FRMD4A: variants seen among roughly 807,000 people sequenced by gnomAD.
FRMD4A encodes FERM domain containing 4A.
In FRMD4A, 29 loss-of-function variants were observed where a neutral mutation model predicts 129.1. That is an observed-to-expected ratio of 0.22 (90% CI 0.17 to 0.31). The LOEUF is 0.31. Among genes scored for constraint, FRMD4A ranks in the 10% least tolerant of loss-of-function variants. The probability of loss-of-function intolerance (pLI) is 1.00; values close to 1 mark genes in which losing one functional copy is unlikely to be tolerated. For synonymous variants in FRMD4A, 634 were observed against 571.6 expected, an observed-to-expected ratio of 1.11 and a Z score of -1.56; for missense variants, 1,272 against 1,375.8, an observed-to-expected ratio of 0.92 and a Z score of 1.19.
At chr10:13,913,979 A>G (rs563202651) in intron 2 of FRMD4A, among the ~76,000 whole-genome samples, 14 of 152,294 alleles carry the variant, frequency 9.2e-5, no homozygotes, top group African/African-American at 3.4e-4. Flanking sequence ...TGGGAGGTGA[A>G]CTTGGCTAGC....
At chr10:14,309,527 C>G (rs1475126059) in intron 2 of FRMD4A, among the ~76,000 whole-genome samples, 2 of 152,142 alleles carry the variant, frequency 1.3e-5, no homozygotes, top group African/African-American at 4.8e-5. Flanking sequence ...AGAATTAGAA[C>G]TTCAGAGGTT....
intron 2 of FRMD4A, chr10:14,007,996 T>C: frequency 1.6e-6 from 2 of 1,283,374 alleles, no homozygotes; most frequent in Admixed American, 4.6e-5. Flanking sequence ...CGGTATACAA[T>C]GAAAACAAAC....
chr10:14,158,431 C>A (rs1840707495), intron 2 of FRMD4A, among the ~76,000 whole-genome samples: 1 of 152,030 alleles, frequency 6.6e-6, no homozygotes, highest in African/African-American at 2.4e-5. Flanking sequence ...GGCAACACAG[C>A]AAGACCCCAC....
intron 2 of FRMD4A, among the ~76,000 whole-genome samples, chr10:13,948,055 A>C (rs1426626457): frequency 1.3e-5 from 1 of 74,826 alleles, no homozygotes; most frequent in African/African-American, 3.9e-5. Flanking sequence ...AAGTAAATTG[A>C]AAAAAAAAAA....
intron 2 of FRMD4A, among the ~76,000 whole-genome samples, chr10:14,047,343 C>G (rs1191799535): frequency 6.6e-6 from 1 of 152,154 alleles, no homozygotes; most frequent in Non-Finnish European, 1.5e-5. Context: ...GTGAATCTCC[C>G]AAACAGTAAC....
intron 9 of FRMD4A, among the ~76,000 whole-genome samples, chr10:13,747,531 A>AAAC (rs1409586654): frequency 6.6e-6 from 1 of 151,376 alleles, no homozygotes; most frequent in Non-Finnish European, 1.5e-5. Flanking sequence ...CCGTCTCAAA[A>AAAC]AAAAAAATTA....
chr10:13,935,112 C>A lies in FRMD4A; in HGVS notation c.46-76200G>T, dbSNP rs76962258. ...ATTTAGGCCATAAAACCATGAAAAT[C>A]CAAGATTAGAGCAGCAGTCCTCATT... On this transcript the variant is annotated intron_variant, in intron 2 of 24. Coordinates refer to ENST00000357447, the MANE Select transcript of FRMD4A (RefSeq NM_018027.5). 2.2e-4 allele frequency among the ~76,000 whole-genome samples: 34 copies of A among 152,116 alleles called. No individual in the cohort carries two copies. The East Asian group carries it at 6.4e-3, about 29-fold the overall frequency.
chr10:14,171,800 A>G (rs1031513601), intron 2 of FRMD4A, among the ~76,000 whole-genome samples: 2 of 152,178 alleles, frequency 1.3e-5, no homozygotes, highest in Non-Finnish European at 2.9e-5. Context: ...ATTTAGCTCT[A>G]GGAGGCTTCC....
At chr10:13,848,094 C>T (rs1173972886) in intron 3 of FRMD4A, among the ~76,000 whole-genome samples, 1 of 152,170 alleles carries the variant, frequency 6.6e-6, no homozygotes, top group Non-Finnish European at 1.5e-5. Flanking sequence ...TTAATCTCCC[C>T]AATCCCTTCT....
Position 14,013,293 on chromosome 10 carries a change from C to T in FRMD4A, c.46-154381G>A, listed in dbSNP as rs117701223. Among the ~76,000 whole-genome samples the T allele has an allele frequency of 5.5e-3, 839 of 152,252 alleles. 3 individuals carry two copies. The highest frequency in any genetic ancestry group is 8.3e-3 in the Non-Finnish European group (566 of 68,024). ...TTAAAAGCGGGCTCTTTCTCAGTGT[C>T]GTTTGAGGGCTCCAGGCAATAGATG... On this transcript the variant is annotated intron_variant, in intron 2 of 24. Coordinates refer to ENST00000357447, the MANE Select transcript of FRMD4A (RefSeq NM_018027.5).
At chr10:14,232,020 A>G (rs1258969406) in intron 2 of FRMD4A, among the ~76,000 whole-genome samples, 1 of 152,190 alleles carries the variant, frequency 6.6e-6, no homozygotes, top group Non-Finnish European at 1.5e-5. Flanking sequence ...GATGTCCTGA[A>G]TGGTACTTCC....
chr10:13,840,382 A>G (rs1156789503), intron 3 of FRMD4A, among the ~76,000 whole-genome samples: 1 of 152,206 alleles, frequency 6.6e-6, no homozygotes, highest in Admixed American at 6.5e-5. Context: ...CGAGACTCTG[A>G]TCCTGGACTT....
At chr10:13,917,326 A>G (rs1554968977) in intron 2 of FRMD4A, among the ~76,000 whole-genome samples, 1 of 137,722 alleles carries the variant, frequency 7.3e-6, no homozygotes, top group Non-Finnish European at 1.5e-5. Flanking sequence ...TTTGTCGCCC[A>G]GTCTGGAGTA....
Position 13,768,058 on chromosome 10 carries a change from C to T in FRMD4A, c.385-5378G>A, listed in dbSNP as rs1188301831. ...ATCTTTGAGAAATGGTATGGAAAGA[C>T]GAACCGTGACCGTCTGCAGGTATGT... On this transcript the variant is annotated intron_variant, in intron 6 of 24. Coordinates refer to ENST00000357447, the MANE Select transcript of FRMD4A (RefSeq NM_018027.5). Among the ~76,000 whole-genome samples, 5 of 149,518 alleles carry T rather than the reference C, an allele frequency of 3.3e-5. No individual in the cohort carries two copies. The Admixed American group carries it at 3.4e-4, about 10-fold the overall frequency.
At chr10:14,052,544 G>A (rs1029342839) in intron 2 of FRMD4A, among the ~76,000 whole-genome samples, 1 of 151,986 alleles carries the variant, frequency 6.6e-6, no homozygotes, top group Non-Finnish European at 1.5e-5. Context: ...AGAGTGGGGA[G>A]GAGGTGCCAG....
chr10:13,884,331 A>G (rs978812280), intron 2 of FRMD4A, among the ~76,000 whole-genome samples: 1 of 152,170 alleles, frequency 6.6e-6, no homozygotes, highest in Non-Finnish European at 1.5e-5. Flanking sequence ...TATAATAAAT[A>G]AAAATAGGAG....
chr10:14,126,449 G>C (rs547044841), intron 2 of FRMD4A, among the ~76,000 whole-genome samples: 8 of 151,846 alleles, frequency 5.3e-5, no homozygotes, highest in African/African-American at 1.5e-4. Flanking sequence ...GATTACAGGC[G>C]TGAGCCACCG....
intron 2 of FRMD4A, among the ~76,000 whole-genome samples, chr10:14,010,249 T>C (rs183391932): frequency 6.6e-5 from 10 of 152,310 alleles, no homozygotes; most frequent in African/African-American, 2.4e-4. Context: ...CCAGGGGTAT[T>C]AATGAGTGTT....
chr10:14,174,999 G>GC (rs1841664855), intron 2 of FRMD4A, among the ~76,000 whole-genome samples: 1 of 151,688 alleles, frequency 6.6e-6, no homozygotes, highest in Admixed American at 6.6e-5. Context: ...CTGGTCACTT[G>GC]GAAAAAAATA....
Sources: allele counts gnomAD v4.1 joint callset (sites outside exome capture counted in the v4.1 genomes callset), GRCh38; gene constraint gnomAD v4.1.1; transcripts MANE v1.5; gene names NCBI Gene and HGNC (gene_info 2026-07-23, HGNC 2026-07-21).